The following AFG2A variants were observed in gnomAD, a reference collection of about 807,000 sequenced individuals.
The protein encoded by AFG2A is ATPase family gene 2 protein homolog A.
the AFG2A span, among the ~76,000 whole-genome samples, chr4:123,224,053 CAT>C: frequency 6.6e-6 from 1 of 152,072 alleles, no homozygotes; most frequent in Non-Finnish European, 1.5e-5. Flanking sequence ...AGCTTTAAGT[CAT>C]ATGTTTAAAT....
the AFG2A span, among the ~76,000 whole-genome samples, chr4:123,002,632 C>T: frequency 6.6e-6 from 1 of 152,112 alleles, no homozygotes; most frequent in Non-Finnish European, 1.5e-5. Flanking sequence ...GAATATTGGC[C>T]TCCACTCTCT....
the AFG2A span, among the ~76,000 whole-genome samples, chr4:123,053,672 C>T: frequency 7.9e-5 from 12 of 151,796 alleles, no homozygotes; most frequent in South Asian, 2.1e-4. Flanking sequence ...CCAGCAGGTC[C>T]GTACATAGAT....
chr4:123,102,090 G>A, the AFG2A span: 5 of 151,824 alleles, frequency 3.3e-5, no homozygotes, highest in Non-Finnish European at 5.9e-5. Flanking sequence ...AGACAGACAA[G>A]AATAGAGATT....
the AFG2A span, among the ~76,000 whole-genome samples, chr4:123,261,209 A>G: frequency 6.6e-6 from 1 of 152,114 alleles, no homozygotes; most frequent in Non-Finnish European, 1.5e-5. Flanking sequence ...AAACTGCCCT[A>G]TGAAAACATG....
At chr4:123,287,243 C>A in the AFG2A span, among the ~76,000 whole-genome samples, 1 of 152,140 alleles carries the variant, frequency 6.6e-6, no homozygotes, top group Non-Finnish European at 1.5e-5. Flanking sequence ...TAATCTTTAC[C>A]TAATCTCTAC....
At chr4:122,989,274 C>A in the AFG2A span, among the ~76,000 whole-genome samples, 1 of 151,386 alleles carries the variant, frequency 6.6e-6, no homozygotes, top group Non-Finnish European at 1.5e-5. Flanking sequence ...CACTAGTCAG[C>A]TTGTCTAGTA....
chr4:122,967,502 G>A, the AFG2A span, among the ~76,000 whole-genome samples: 1 of 151,754 alleles, frequency 6.6e-6, no homozygotes, highest in African/African-American at 2.4e-5. Context: ...AACCATATTC[G>A]TTTGTATAAA....
chr4:123,181,045 C>T, the AFG2A span, among the ~76,000 whole-genome samples: 18 of 145,322 alleles, frequency 1.2e-4, no homozygotes, highest in African/African-American at 1.3e-4. Flanking sequence ...AGTGCAGTGG[C>T]GCGATCTCGG....
chr4:123,197,819 G>T, the AFG2A span, among the ~76,000 whole-genome samples: 1 of 151,858 alleles, frequency 6.6e-6, no homozygotes, highest in Non-Finnish European at 1.5e-5. Context: ...TACCTTCATG[G>T]ATGTTTTAAG....
At chr4:123,271,200 C>G in the AFG2A span, among the ~76,000 whole-genome samples, 5 of 152,170 alleles carry the variant, frequency 3.3e-5, no homozygotes, top group Non-Finnish European at 7.4e-5. Flanking sequence ...TCAGGGAAAA[C>G]TTGGTTATGT....
the AFG2A span, among the ~76,000 whole-genome samples, chr4:123,236,750 A>C: frequency 2.0e-5 from 3 of 152,294 alleles, no homozygotes; most frequent in East Asian, 3.9e-4. Flanking sequence ...TAGTCTAGGA[A>C]CTTTCTCTGT....
chr4:123,273,785 A>C, the AFG2A span, among the ~76,000 whole-genome samples: 1 of 152,192 alleles, frequency 6.6e-6, no homozygotes, highest in Non-Finnish European at 1.5e-5. Context: ...ACACAAATGA[A>C]GTTCATGTTT....
the AFG2A span, among the ~76,000 whole-genome samples, chr4:123,199,005 G>A: frequency 6.6e-6 from 1 of 152,198 alleles, no homozygotes; most frequent in African/African-American, 2.4e-5. Flanking sequence ...GATGCTGTGA[G>A]TGAGTGGTAG....
At chr4:123,135,553 A>G in the AFG2A span, among the ~76,000 whole-genome samples, 1 of 152,230 alleles carries the variant, frequency 6.6e-6, no homozygotes, top group East Asian at 1.9e-4. Context: ...AACCAACCAC[A>G]GATTGAAAAT....
chr4:123,199,705 C>T, the AFG2A span, among the ~76,000 whole-genome samples: 4 of 151,910 alleles, frequency 2.6e-5, no homozygotes, highest in African/African-American at 9.7e-5. Context: ...CTCCTGACCT[C>T]GTGGTCTGCC....
the AFG2A span, among the ~76,000 whole-genome samples, chr4:123,058,321 C>T: frequency 6.6e-6 from 1 of 152,122 alleles, no homozygotes; most frequent in Non-Finnish European, 1.5e-5. Flanking sequence ...AAGGGGAAAC[C>T]CCTTATAAAA....
At chr4:123,034,470 A>G in the AFG2A span, among the ~76,000 whole-genome samples, 9 of 152,172 alleles carry the variant, frequency 5.9e-5, no homozygotes, top group South Asian at 1.9e-3. Context: ...AAGGTTATCA[A>G]AAACAAGGAA....
the AFG2A span, among the ~76,000 whole-genome samples, chr4:123,107,698 G>T: frequency 6.6e-6 from 1 of 152,230 alleles, no homozygotes; most frequent in Non-Finnish European, 1.5e-5. Context: ...CAGGCTGTTT[G>T]TGCCAAGGAG....
the AFG2A span, among the ~76,000 whole-genome samples, chr4:123,180,888 G>T: frequency 6.6e-6 from 1 of 151,494 alleles, no homozygotes; most frequent in East Asian, 1.9e-4. Context: ...AAAGGTCTGG[G>T]TAGTAAATAT....
Sources: gnomAD v4.1 joint callset for allele counts (sites outside exome capture counted in the v4.1 genomes callset) on GRCh38, gnomAD v4.1.1 for gene constraint, MANE v1.5 for transcripts, NCBI Gene and HGNC (gene_info 2026-07-23, HGNC 2026-07-21) for gene names.